The following MAP3K5 variants were observed in gnomAD, a reference collection of about 807,000 sequenced individuals.
MAP3K5 encodes the protein mitogen-activated protein kinase kinase kinase 5.
Under a neutral mutation model 158.7 loss-of-function variants are expected in MAP3K5, and 56 were observed. The observed-to-expected ratio is 0.35, with a 90% confidence interval of 0.28 to 0.44. MAP3K5 has a LOEUF of 0.44. MAP3K5 is among the 20% of genes least tolerant of loss of function. The probability of loss-of-function intolerance (pLI) is 1.00; values close to 1 mark genes in which losing one functional copy is unlikely to be tolerated. For missense variants in MAP3K5, 1,294 were observed against 1,674.8 expected (o/e 0.77, Z 3.97); for synonymous variants, 579 against 601.7 (o/e 0.96, Z 0.55).
At chr6:136,595,803 T>C (rs1268278644) in intron 21 of MAP3K5, among the ~76,000 whole-genome samples, 1 of 152,044 alleles carries the variant, frequency 6.6e-6, no homozygotes, top group Non-Finnish European at 1.5e-5. Flanking sequence ...GATTATCTCA[T>C]GTTGGGAGTT....
At chr6:136,683,893 G>A (rs1023265121) in intron 7 of MAP3K5, among the ~76,000 whole-genome samples, 3 of 152,140 alleles carry the variant, frequency 2.0e-5, no homozygotes, top group Admixed American at 6.5e-5. Context: ...AGGGCAACAC[G>A]AAATTCACTG....
At chr6:136,644,759 T>C (rs1250248894) in intron 11 of MAP3K5, among the ~76,000 whole-genome samples, 2 of 152,148 alleles carry the variant, frequency 1.3e-5, no homozygotes, top group African/African-American at 4.8e-5. Flanking sequence ...GGGATGGGTG[T>C]AAGCATGGTC....
At chr6:136,742,363 G>A (rs1782745707) in intron 1 of MAP3K5, among the ~76,000 whole-genome samples, 1 of 151,648 alleles carries the variant, frequency 6.6e-6, no homozygotes, top group African/African-American at 2.4e-5. Context: ...CAAAGAAGCA[G>A]AGGCAATATA....
intron 21 of MAP3K5, among the ~76,000 whole-genome samples, chr6:136,600,246 A>G (rs1468264574): frequency 7.0e-6 from 1 of 143,438 alleles, no homozygotes; most frequent in Non-Finnish European, 1.5e-5. Context: ...GCTGGAGTGC[A>G]GTGGTATAAT....
intron 1 of MAP3K5, among the ~76,000 whole-genome samples, chr6:136,766,263 T>TA (rs1783964223): frequency 6.6e-6 from 1 of 152,242 alleles, no homozygotes; most frequent in Non-Finnish European, 1.5e-5. Flanking sequence ...AGCTCTAGTT[T>TA]ATCTTTCAGA....
At position 136,642,122 on chromosome 6, in the gene MAP3K5, G is replaced by A. The variant is rs76929912; in HGVS notation, c.1838+398C>T. On this transcript the variant is annotated intron_variant, in intron 12 of 29. Transcript: ENST00000359015. ...AGTGGCAGGACACAGTGTAGTAGAC[G>A]GCATGTGTGCTTTGTATCCACACAA... Among the ~76,000 whole-genome samples the A allele has an allele frequency of 8.0e-3, 1,215 of 150,942 alleles. 9 individuals are homozygous for A. The highest frequency in any genetic ancestry group is 0.028 in the African/African-American group (1,146 of 41,162).
At chr6:136,734,796 C>T (rs139432632) in intron 1 of MAP3K5, among the ~76,000 whole-genome samples, 2 of 152,184 alleles carry the variant, frequency 1.3e-5, no homozygotes, top group African/African-American at 2.4e-5. Flanking sequence ...TGAAGTTCCT[C>T]GGTCACACAG....
intron 1 of MAP3K5, among the ~76,000 whole-genome samples, chr6:136,761,836 GCA>G (rs1329686563): frequency 6.6e-6 from 1 of 152,146 alleles, no homozygotes; most frequent in Admixed American, 6.5e-5. Context: ...TACTCCGACA[GCA>G]CAGAGAAGCG....
intron 1 of MAP3K5, among the ~76,000 whole-genome samples, chr6:136,790,607 C>T (rs1397996999): frequency 6.6e-6 from 1 of 152,168 alleles, no homozygotes; most frequent in African/African-American, 2.4e-5. Context: ...TGGCTGAATT[C>T]CAAAACTGAC....
At chr6:136,720,031 C>T (rs1280884750) in intron 2 of MAP3K5, among the ~76,000 whole-genome samples, 1 of 152,078 alleles carries the variant, frequency 6.6e-6, no homozygotes, top group Non-Finnish European at 1.5e-5. Flanking sequence ...AAGAGGAAGG[C>T]AACTATTTGG....
chr6:136,707,559 G>GT (rs989173654), intron 2 of MAP3K5, among the ~76,000 whole-genome samples: 6 of 116,866 alleles, frequency 5.1e-5, no homozygotes, highest in African/African-American at 2.3e-4. Flanking sequence ...GAGGTACTTG[G>GT]GGGGGGGGGG....
intron 13 of MAP3K5, among the ~76,000 whole-genome samples, chr6:136,637,723 A>T (rs1299379066): frequency 6.6e-6 from 1 of 151,870 alleles, no homozygotes; most frequent in African/African-American, 2.4e-5. Context: ...TGAGAAACAG[A>T]TTGGCATCCT....
At chr6:136,655,999 A>G (rs745426148) in intron 10 of MAP3K5, among the ~76,000 whole-genome samples, 1 of 152,176 alleles carries the variant, frequency 6.6e-6, no homozygotes, top group African/African-American at 2.4e-5. Context: ...AAAAGCATAC[A>G]TCGGGCTGGC....
intron 18 of MAP3K5, among the ~76,000 whole-genome samples, chr6:136,606,620 A>G (rs1321581003): frequency 6.6e-6 from 1 of 152,226 alleles, no homozygotes; most frequent in Non-Finnish European, 1.5e-5. Context: ...GAATAGAAAC[A>G]TATCACCGCA....
At position 136,592,561 on chromosome 6, in the gene MAP3K5, T is replaced by C. The variant is rs770489589; in HGVS notation, c.2932A>G (p.Ser978Gly). Residue 978 changes from serine to glycine, a missense_variant, in exon 22 of 30, where the codon AGC (serine) becomes GGC (glycine). This residue lies in a region of MAP3K5 where 362 missense variants were observed against 463.2 expected (regional missense o/e 0.78). Transcript: ENST00000359015. ...GAAACTGAGCCGTACTCACTGCTGC[T>C]GCTGGTGTCCTCCACCAGCACAGGT... ...PVPVLVEDTS[S>G]SSEYGSVSPD... 8.7e-6 allele frequency: 14 copies of C among 1,614,074 alleles called. No homozygotes were observed. Among genetic ancestry groups the C allele is most frequent in the Non-Finnish European group, 1.0e-5 (12 of 1,179,992 alleles).
intron 15 of MAP3K5, among the ~76,000 whole-genome samples, chr6:136,619,036 G>C (rs1015401485): frequency 6.6e-6 from 1 of 152,200 alleles, no homozygotes; most frequent in Non-Finnish European, 1.5e-5. Context: ...GGGAAGCTCT[G>C]TTTTCCTTTT....
chr6:136,713,440 T>G (rs1781397058), intron 2 of MAP3K5, among the ~76,000 whole-genome samples: 1 of 152,336 alleles, frequency 6.6e-6, no homozygotes, highest in East Asian at 1.9e-4. Context: ...GGTATACTAT[T>G]GCTAATTGAC....
intron 14 of MAP3K5, among the ~76,000 whole-genome samples, chr6:136,630,599 G>A (rs1777301908): frequency 6.6e-6 from 1 of 152,202 alleles, no homozygotes; most frequent in South Asian, 2.1e-4. Context: ...TTCCTCTCCA[G>A]GAGGTTAATG....
chr6:136,589,534 C>A (rs1368295237), intron 23 of MAP3K5, among the ~76,000 whole-genome samples: 1 of 152,110 alleles, frequency 6.6e-6, no homozygotes, highest in Non-Finnish European at 1.5e-5. Context: ...CACATTTTCC[C>A]AGGTATTATG....
Sources: gnomAD v4.1 joint callset for allele counts (sites outside exome capture counted in the v4.1 genomes callset) on GRCh38, gnomAD v4.1.1 for gene constraint, gnomAD v4.1.1 regional missense constraint, MANE v1.5 for transcripts, NCBI Gene and HGNC (gene_info 2026-07-23, HGNC 2026-07-21) for gene names.